Variants in LRRC8D observed in about 807,000 individuals in gnomAD.
LRRC8D encodes the protein leucine rich repeat containing 8 VRAC subunit D.
A neutral mutation model predicts 55.8 loss-of-function variants in LRRC8D; 20 were observed. The ratio of observed to expected loss-of-function variants is 0.36; its 90% confidence interval spans 0.25 to 0.52. The LOEUF (loss-of-function observed/expected upper bound fraction) is 0.52. LRRC8D is among the 20% of genes least tolerant of loss of function. The pLI, the probability that LRRC8D is intolerant of heterozygous loss-of-function variation, is 0.93. For synonymous variants in LRRC8D, 352 were observed against 377.0 expected, an observed-to-expected ratio of 0.93 and a Z score of 0.77; for missense variants, 651 against 1,030.8, an observed-to-expected ratio of 0.63 and a Z score of 5.05.
At chr1:89,881,897 T>C (rs1557465667) in intron 2 of LRRC8D, among the ~76,000 whole-genome samples, 1 of 152,016 alleles carries the variant, frequency 6.6e-6, no homozygotes, top group Non-Finnish European at 1.5e-5. Context: ...AGAGATGGAG[T>C]TGGCCCTGTT....
rs531973920 is a variant in LRRC8D at position 89,909,113 on chromosome 1, A to G, written c.-2-23954A>G. On this transcript the variant is annotated intron_variant, in intron 2 of 2. Coordinates refer to ENST00000337338, the MANE Select transcript of LRRC8D (RefSeq NM_001134479.2). The stretch of plus-strand genomic sequence containing the variant: ...CTCGCTCTCTTTCAGTTTTTCAACA[A>G]CAATAACAACAGAATGAAAACCAAT... 1.1e-4 allele frequency among the ~76,000 whole-genome samples: 16 copies of G among 152,272 alleles called. No homozygotes were observed. In the South Asian group the frequency reaches 3.3e-3, roughly 32 times the overall value.
At chr1:89,840,182 G>T (rs1570808727) in intron 1 of LRRC8D, among the ~76,000 whole-genome samples, 1 of 152,072 alleles carries the variant, frequency 6.6e-6, no homozygotes, top group Non-Finnish European at 1.5e-5. Flanking sequence ...TTATGAGGTT[G>T]TGATTTTAAT....
intron 1 of LRRC8D, among the ~76,000 whole-genome samples, chr1:89,830,206 A>G (rs1660854795): frequency 6.6e-6 from 1 of 152,192 alleles, no homozygotes; most frequent in Admixed American, 6.5e-5. Flanking sequence ...TCTTTGCTGG[A>G]GTGAATTTAT....
At chr1:89,889,679 C>G (rs192430713) in intron 2 of LRRC8D, among the ~76,000 whole-genome samples, 22 of 149,428 alleles carry the variant, frequency 1.5e-4, no homozygotes, top group Non-Finnish European at 2.7e-4. Context: ...GTCAGGGGTT[C>G]GAGACCAGCC....
intron 2 of LRRC8D, among the ~76,000 whole-genome samples, chr1:89,903,633 T>C (rs1662918698): frequency 6.6e-6 from 1 of 152,226 alleles, no homozygotes; most frequent in Admixed American, 6.5e-5. Flanking sequence ...ATATGTCTTT[T>C]CAGGATTCTG....
rs370867533 is a variant in LRRC8D at position 89,886,811 on chromosome 1, C to T, written c.-3+43029C>T. On this transcript the variant is annotated intron_variant, in intron 2 of 2. Transcript: ENST00000337338. ...AATGCCATAAATATTAACAGTGGTC[C>T]GAAACTTACCTGATTTTTTATTCTT... is the stretch of plus-strand genomic sequence containing the variant. Among the ~76,000 whole-genome samples the T allele has an allele frequency of 2.0e-4, 31 of 152,006 alleles. 1 individual carries two copies. The highest frequency in any genetic ancestry group is 5.2e-4 in the Admixed American group (8 of 15,270).
chr1:89,923,931 C>T (rs1041049222), intron 2 of LRRC8D, among the ~76,000 whole-genome samples: 2 of 152,126 alleles, frequency 1.3e-5, no homozygotes, highest in Non-Finnish European at 2.9e-5. Flanking sequence ...AACTAACTCA[C>T]GATGGATTAA....
At chr1:89,823,090 T>C (rs1660679361) in intron 1 of LRRC8D, among the ~76,000 whole-genome samples, 1 of 152,230 alleles carries the variant, frequency 6.6e-6, no homozygotes, top group Non-Finnish European at 1.5e-5. Flanking sequence ...TTTATATATT[T>C]GAACACTATG....
Position 89,934,328 on chromosome 1 carries a change from T to A in LRRC8D, c.1260T>A (p.Leu420=), listed in dbSNP as rs1429380966. 18 of 1,613,798 alleles carry A rather than the reference T, an allele frequency of 1.1e-5. No individual in the cohort carries two copies. Among genetic ancestry groups the A allele is most frequent in the Non-Finnish European group, 1.5e-5 (18 of 1,179,864 alleles). Residue 420 remains leucine (L), a synonymous_variant, in exon 3 of 3, where the codon CTT becomes CTA. Coordinates refer to ENST00000337338, the MANE Select transcript of LRRC8D (RefSeq NM_001134479.2). This position sits in a 1 kb window ranked among gnomAD's most constrained non-coding sequence, Gnocchi z 5.9. ...PDVKNDFAFL[L]HMVDQYDQLY... ...TCAAAAACGATTTTGCGTTCCTTCTTCACATGGTAGACCAGTATGACCAGC... is the reference window on the plus strand; with the variant it reads ...TCAAAAACGATTTTGCGTTCCTTCTACACATGGTAGACCAGTATGACCAGC...
At chr1:89,909,774 G>C (rs1399946338) in intron 2 of LRRC8D, among the ~76,000 whole-genome samples, 3 of 150,706 alleles carry the variant, frequency 2.0e-5, no homozygotes, top group Non-Finnish European at 4.4e-5. Context: ...GCTGAGGCAA[G>C]AGAATGGCAT....
Position 89,888,484 on chromosome 1 carries a change from G to C in LRRC8D, c.-2-44583G>C, listed in dbSNP as rs896254617. 2.6e-5 allele frequency among the ~76,000 whole-genome samples: 4 copies of C among 152,184 alleles called. 1 individual carries two copies. The Middle Eastern group carries it at 9.5e-3, about 361-fold the overall frequency. On this transcript the variant is annotated intron_variant, in intron 2 of 2. Transcript: ENST00000337338. ...TACAAAATACAAAGAAATATTTATAGATATGTGTATATACACAAGTTAGTA... is the reference window on the plus strand; with the variant it reads ...TACAAAATACAAAGAAATATTTATACATATGTGTATATACACAAGTTAGTA...
chr1:89,935,648 T>G lies in LRRC8D; in HGVS notation c.*3T>G. On this transcript the variant is annotated 3_prime_UTR_variant, in exon 3 of 3. Transcript: ENST00000337338. The stretch of plus-strand genomic sequence containing the variant: ...TTCCCTTTGCAAATGGGATTTAAAC[T>G]AAGATAATATATGCACAGTGATGTG... 1 of 1,612,124 alleles carries G rather than the reference T, an allele frequency of 6.2e-7. No individual in the cohort carries two copies. The highest frequency in any genetic ancestry group is 8.5e-7 in the Non-Finnish European group (1 of 1,178,712).
chr1:89,935,517 C>G lies in LRRC8D; in HGVS notation c.2449C>G (p.Leu817Val). Residue 817 changes from leucine to valine, a missense_variant, in exon 3 of 3, where the codon CTG becomes GTG. Physicochemically the swap from Leu to Val is conservative, Grantham distance 32. Coordinates refer to ENST00000337338, the MANE Select transcript of LRRC8D (RefSeq NM_001134479.2). ...CTGCTTGGACCGCCTGCCAGCCCAG[C>G]TGGGCCAGTGTCGGATGCTCAAGAA... ...GNCLDRLPAQ[L>V]GQCRMLKKSG... The G allele has an allele frequency of 1.2e-6, 2 of 1,614,238 alleles. No homozygotes were observed. The highest frequency in any genetic ancestry group is 1.7e-6 in the Non-Finnish European group (2 of 1,180,042).
chr1:89,899,838 G>T (rs1386932145), intron 2 of LRRC8D, among the ~76,000 whole-genome samples: 1 of 152,212 alleles, frequency 6.6e-6, no homozygotes, highest in Non-Finnish European at 1.5e-5. Context: ...TTCTTTGTCT[G>T]TAAAATGTGA....
intron 2 of LRRC8D, among the ~76,000 whole-genome samples, chr1:89,908,938 G>A (rs1663061492): frequency 6.6e-6 from 1 of 152,108 alleles, no homozygotes; most frequent in South Asian, 2.1e-4. Flanking sequence ...TAAACCAGTG[G>A]AAAATACCCT....
At chr1:89,841,405 C>CT (rs1553122459) in intron 1 of LRRC8D, among the ~76,000 whole-genome samples, 8 of 149,586 alleles carry the variant, frequency 5.3e-5, no homozygotes, top group Non-Finnish European at 1.2e-4. Flanking sequence ...CACCCCCCCC[C>CT]TTTTTTTTGT....
chr1:89,916,445 G>A (rs908966261), intron 2 of LRRC8D, among the ~76,000 whole-genome samples: 1 of 152,104 alleles, frequency 6.6e-6, no homozygotes, highest in Admixed American at 6.5e-5. Context: ...TCGAAAATAA[G>A]GACTTGTTTG....
intron 1 of LRRC8D, chr1:89,833,914 C>T (rs1432855180): frequency 1.3e-5 from 2 of 152,162 alleles, no homozygotes; most frequent in Non-Finnish European, 2.9e-5. Flanking sequence ...TGGTTTTCCC[C>T]CCTCCTACTT....
At chr1:89,842,065 T>C (rs544877340) in intron 1 of LRRC8D, among the ~76,000 whole-genome samples, 153 of 151,716 alleles carry the variant, frequency 1.0e-3, no homozygotes, top group Middle Eastern at 3.4e-3. Context: ...ACAAAAAAAT[T>C]AGCTGGGCAT....
Sources: gnomAD v4.1 joint callset for allele counts (sites outside exome capture counted in the v4.1 genomes callset) on GRCh38, gnomAD v4.1.1 for gene constraint, Gnocchi (gnomAD v3.1) non-coding constraint, MANE v1.5 for transcripts, NCBI Gene and HGNC (gene_info 2026-07-23, HGNC 2026-07-21) for gene names.